The following MYH10 variants were observed in gnomAD, a reference collection of about 807,000 sequenced individuals.
MYH10 encodes myosin-10.
In MYH10, 55 loss-of-function variants were observed where a neutral mutation model predicts 257.8. The observed-to-expected ratio is 0.21, with a 90% confidence interval of 0.17 to 0.27. The LOEUF is 0.27. Ranked by LOEUF, MYH10 falls within the 10% of genes least tolerant of loss-of-function variation. The pLI is 1.00. For synonymous variants in MYH10, 854 were observed against 921.7 expected (o/e 0.93, Z 1.33); for missense variants, 1,631 against 2,500.6 (o/e 0.65, Z 7.42).
rs755141861 is a variant in MYH10, at chr17:8,492,814, C to T, written c.4420G>A (p.Ala1474Thr). 9 of 1,613,978 alleles carry T rather than the reference C, an allele frequency of 5.6e-6. No individual in the cohort carries two copies. The highest frequency in any genetic ancestry group is 1.6e-4 in the Middle Eastern group (1 of 6,062). ...TVDLDHQRQV[A>T]SNLEKKQKKF... is the part of the protein sequence containing the mutation. ...TTCTGCTTCTTCTCCAAGTTGGAGG[C>T]GACCTGGCGCTGGTGGTCCAGGTCC... Residue 1474 changes from alanine (A) to threonine (T), a missense_variant, in exon 33 of 43, where the codon GCC (alanine) becomes ACC (threonine). By Grantham distance (58) the Ala-to-Thr change is moderately conservative. Transcript: ENST00000360416.
chr17:8,492,267 C>T (rs545424486), intron 34 of MYH10, 30 bp downstream of exon 34: 15 of 1,601,568 alleles, frequency 9.4e-6, no homozygotes, highest in East Asian at 2.2e-5. Context: ...CTCTCCCGTG[C>T]GGAAGTGTGG....
chr17:8,566,049 G>T (rs2083157529), intron 7 of MYH10, among the ~76,000 whole-genome samples: 1 of 152,120 alleles, frequency 6.6e-6, no homozygotes, highest in Non-Finnish European at 1.5e-5. Flanking sequence ...CCATGCATTG[G>T]ATGGTATTTA....
chr17:8,613,745 A>G (rs1005543126), intron 2 of MYH10, among the ~76,000 whole-genome samples: 1 of 152,240 alleles, frequency 6.6e-6, no homozygotes, highest in South Asian at 2.1e-4. Flanking sequence ...TCACATGTAC[A>G]TAAACTAAAT....
chr17:8,503,476 C>T (rs969161443), intron 28 of MYH10, among the ~76,000 whole-genome samples: 5 of 152,082 alleles, frequency 3.3e-5, no homozygotes, highest in African/African-American at 1.2e-4. Context: ...AGGCTCACCC[C>T]TCTGTTCTCC....
chr17:8,602,952 T>C lies in MYH10; in HGVS notation c.502+1874A>G, dbSNP rs144789211. ...AGCACTAAAAATGATATTAATAATATGATATGCTGATAAGCCACATCTGCC... is the reference window on the plus strand; with the variant it reads ...AGCACTAAAAATGATATTAATAATACGATATGCTGATAAGCCACATCTGCC... On this transcript the variant is annotated intron_variant, in intron 3 of 42. Coordinates refer to ENST00000360416, the MANE Select transcript of MYH10 (RefSeq NM_001256012.3). 1.1e-3 allele frequency among the ~76,000 whole-genome samples: 166 copies of C among 152,356 alleles called. 1 individual carries two copies. Among genetic ancestry groups the C allele is most frequent in the African/African-American group, 3.8e-3 (160 of 41,584 alleles).
chr17:8,630,424 G>A (rs887127833), intron 1 of MYH10, among the ~76,000 whole-genome samples: 2 of 151,700 alleles, frequency 1.3e-5, no homozygotes, highest in African/African-American at 4.8e-5. Flanking sequence ...TCCACCCACT[G>A]AGGTCCCAGT....
intron 2 of MYH10, among the ~76,000 whole-genome samples, chr17:8,606,021 T>G (rs1285378232): frequency 2.6e-5 from 4 of 152,216 alleles, no homozygotes; most frequent in African/African-American, 9.6e-5. Flanking sequence ...TAACTTGTCA[T>G]GATTAACTAC....
intron 1 of MYH10, among the ~76,000 whole-genome samples, chr17:8,627,607 TTAATTC>T (rs1568002616): frequency 6.6e-6 from 1 of 152,206 alleles, no homozygotes; most frequent in Non-Finnish European, 1.5e-5. Flanking sequence ...TTTGTTCAGT[TTAATTC>T]TTCACTTGTA....
At chr17:8,543,522 T>C (rs1180215222) in intron 13 of MYH10, among the ~76,000 whole-genome samples, 1 of 150,004 alleles carries the variant, frequency 6.7e-6, no homozygotes, top group East Asian at 2.0e-4. Context: ...TTGCCCAGGC[T>C]GGAGTACAGT....
intron 1 of MYH10, among the ~76,000 whole-genome samples, chr17:8,625,761 G>A (rs150219619): frequency 6.6e-6 from 1 of 152,102 alleles, no homozygotes; most frequent in East Asian, 1.9e-4. Flanking sequence ...GATTACAAGC[G>A]TGAGCCACCG....
chr17:8,610,851 C>T (rs1331267389), intron 2 of MYH10, among the ~76,000 whole-genome samples: 3 of 152,192 alleles, frequency 2.0e-5, no homozygotes, highest in African/African-American at 7.2e-5. Context: ...GTTATAGCAA[C>T]ACAAAACAGA....
intron 36 of MYH10, among the ~76,000 whole-genome samples, chr17:8,486,832 T>C (rs909134662): frequency 7.2e-5 from 11 of 152,220 alleles, no homozygotes; most frequent in African/African-American, 2.7e-4. Context: ...TTTGCTATCA[T>C]AAATAACAAA....
chr17:8,548,406 T>C lies in MYH10; in HGVS notation c.1066A>G (p.Met356Val). 6.4e-7 allele frequency: 1 copy of C among 1,555,994 alleles called. No homozygotes were observed. The change falls in exon 11 of 43, where the codon ATG becomes GTG. Residue 356 changes from methionine (M) to valine (V), a missense_variant and splice_region_variant. Coordinates refer to ENST00000360416, the MANE Select transcript of MYH10 (RefSeq NM_001256012.3). ...AGCACTGAAGATACTACTTTAAGCA[T>C]TGCTTCATATTGATAAAAAGAAAAA... ...MGFSHEEILS[M>V]LKVVSSVLQF... is the part of the protein sequence containing the mutation.
At chr17:8,555,626 C>T (rs1766830087) in intron 7 of MYH10, among the ~76,000 whole-genome samples, 1 of 152,134 alleles carries the variant, frequency 6.6e-6, no homozygotes, top group African/African-American at 2.4e-5. Flanking sequence ...CCTTACACTA[C>T]ATATAAAACT....
At chr17:8,508,452 G>A in intron 26 of MYH10, 102 bp downstream of exon 26, 3 of 1,498,852 alleles carry the variant, frequency 2.0e-6, no homozygotes, top group Non-Finnish European at 2.7e-6. Context: ...CTTATTATTA[G>A]TAATCATCAT....
Position 8,477,056 on chromosome 17 carries a change from AG to A in MYH10, c.5707-9del, listed in dbSNP as rs777115855. 1 of 1,613,596 alleles carries A rather than the reference AG, an allele frequency of 6.2e-7. No individual in the cohort carries two copies. Among genetic ancestry groups the A allele is most frequent in the Non-Finnish European group, 8.5e-7 (1 of 1,179,916 alleles). On this transcript the variant is annotated splice_polypyrimidine_tract_variant and intron_variant, in intron 41 of 42. Transcript: ENST00000360416. The surrounding 1 kb of genome is among the most constrained non-coding windows in gnomAD (Gnocchi z 4.2). ...AGCGTTGGCCTTCTCCATCTTGGGG[AG>A]GGTACATGAACCAAAACAAACCAAA...
chr17:8,561,370 C>T (rs1260566602), intron 7 of MYH10: 6 of 1,146,158 alleles, frequency 5.2e-6, no homozygotes, highest in South Asian at 1.2e-5. Flanking sequence ...CAGTGGAGGC[C>T]GCAGCAGTCA....
At chr17:8,489,934 C>G (rs1915510815) in intron 35 of MYH10, among the ~76,000 whole-genome samples, 1 of 152,178 alleles carries the variant, frequency 6.6e-6, no homozygotes, top group African/African-American at 2.4e-5. Flanking sequence ...AATATCTGCT[C>G]TTTTTCCTTT....
At chr17:8,582,474 A>C (rs991415485) in intron 4 of MYH10, among the ~76,000 whole-genome samples, 1 of 152,232 alleles carries the variant, frequency 6.6e-6, no homozygotes, top group African/African-American at 2.4e-5. Context: ...TTAAGGGGAA[A>C]GGCTGCAGTC....
Sources: allele counts gnomAD v4.1 joint callset (sites outside exome capture counted in the v4.1 genomes callset), GRCh38; gene constraint gnomAD v4.1.1; non-coding constraint Gnocchi (gnomAD v3.1); transcripts MANE v1.5; gene names NCBI Gene and HGNC (gene_info 2026-07-23, HGNC 2026-07-21).